AGMO: variants seen among roughly 807,000 people sequenced by gnomAD.
AGMO encodes the protein glyceryl-ether monooxygenase.
In AGMO, 75 loss-of-function variants were observed where a neutral mutation model predicts 60.2. That is an observed-to-expected ratio of 1.25 (90% CI 1.03 to 1.51). The LOEUF (loss-of-function observed/expected upper bound fraction) is 1.51. AGMO is among the 40% of genes most tolerant of loss of function. The pLI, the probability that AGMO is intolerant of heterozygous loss-of-function variation, is 0.00. For synonymous variants in AGMO, 261 were observed against 177.1 expected, an observed-to-expected ratio of 1.47 and a Z score of -3.76; for missense variants, 763 against 525.5, an observed-to-expected ratio of 1.45 and a Z score of -4.42.
the AGMO span, among the ~76,000 whole-genome samples, chr7:15,159,820 C>G: frequency 7.2e-5 from 11 of 152,140 alleles, no homozygotes; most frequent in Non-Finnish European, 1.3e-4. Context: ...TCCAATCGGT[C>G]CATTCATTTG....
intron 12 of AGMO, among the ~76,000 whole-genome samples, chr7:15,342,198 G>GAAAAAAAAAAAAAAAAA (rs1781877548): frequency 1.5e-5 from 1 of 64,956 alleles, no homozygotes; most frequent in Non-Finnish European, 3.0e-5. Context: ...AAAAAAAAAG[G>GAAAAAAAAAAAAAAAAA]ACTAAGTCCT....
At chr7:15,360,376 A>G (rs551972913) in intron 12 of AGMO, among the ~76,000 whole-genome samples, 33 of 152,332 alleles carry the variant, frequency 2.2e-4, no homozygotes, top group Admixed American at 2.0e-4. Flanking sequence ...TCCCCGGAAA[A>G]TGTAGCTATT....
intron 12 of AGMO, among the ~76,000 whole-genome samples, chr7:15,211,750 C>A (rs1319167868): frequency 6.6e-6 from 1 of 151,874 alleles, no homozygotes; most frequent in Non-Finnish European, 1.5e-5. Flanking sequence ...AAACTATGTC[C>A]AAAATAATTA....
At chr7:15,404,815 A>G (rs992990734) in intron 5 of AGMO, among the ~76,000 whole-genome samples, 2 of 151,890 alleles carry the variant, frequency 1.3e-5, no homozygotes, top group African/African-American at 2.4e-5. Flanking sequence ...TTGATTGCCA[A>G]CCGACTATGT....
chr7:15,198,196 CGA>C (rs748392069), downstream of AGMO, among the ~76,000 whole-genome samples: 2,430 of 77,242 alleles, frequency 0.031, 37 homozygotes, highest in Non-Finnish European at 0.044. Flanking sequence ...AGGGCTTTCC[CGA>C]GAGAGAGAGA....
At chr7:15,552,094 T>G (rs1417175902) in intron 2 of AGMO, among the ~76,000 whole-genome samples, 11 of 152,178 alleles carry the variant, frequency 7.2e-5, no homozygotes, top group Admixed American at 1.3e-4. Context: ...TAATAAATGG[T>G]GCTGGGAAAA....
intron 12 of AGMO, among the ~76,000 whole-genome samples, chr7:15,349,912 G>C (rs73298342): frequency 0.018 from 2,692 of 152,158 alleles, 72 homozygotes; most frequent in African/African-American, 0.06. Flanking sequence ...CCTATGACAT[G>C]GGGGGATTAT....
chr7:15,298,093 C>G (rs1784454730), intron 12 of AGMO, among the ~76,000 whole-genome samples: 1 of 150,596 alleles, frequency 6.6e-6, no homozygotes, highest in African/African-American at 2.4e-5. Flanking sequence ...TATAAACAAA[C>G]ATATTATGTT....
At chr7:15,410,441 T>C (rs1297827663) in intron 5 of AGMO, among the ~76,000 whole-genome samples, 1 of 151,890 alleles carries the variant, frequency 6.6e-6, no homozygotes, top group African/African-American at 2.4e-5. Flanking sequence ...CTCAAATTTT[T>C]ATAGTTAAGA....
At chr7:15,479,726 GT>G in intron 3 of AGMO, among the ~76,000 whole-genome samples, 1 of 152,242 alleles carries the variant, frequency 6.6e-6, no homozygotes, top group South Asian at 2.1e-4. Context: ...TTGTGCCAGG[GT>G]TGTGCTAAAT....
At chr7:15,326,785 G>C (rs1001409648) in intron 12 of AGMO, among the ~76,000 whole-genome samples, 6 of 151,970 alleles carry the variant, frequency 3.9e-5, no homozygotes, top group Non-Finnish European at 8.8e-5. Context: ...TTAGGCCTCT[G>C]GGAAGTCTAT....
At chr7:15,322,661 A>T (rs1364727927) in intron 12 of AGMO, among the ~76,000 whole-genome samples, 9 of 63,966 alleles carry the variant, frequency 1.4e-4, no homozygotes, top group East Asian at 3.8e-4. Flanking sequence ...TATATATATA[A>T]ATATATATAA....
intron 12 of AGMO, among the ~76,000 whole-genome samples, chr7:15,332,774 G>A (rs534961356): frequency 1.1e-3 from 160 of 151,866 alleles, no homozygotes; most frequent in African/African-American, 3.6e-3. Context: ...TTATCAAAAT[G>A]GCTTATATTT....
At chr7:15,296,883 G>A (rs565617721) in intron 12 of AGMO, among the ~76,000 whole-genome samples, 5 of 152,256 alleles carry the variant, frequency 3.3e-5, no homozygotes, top group South Asian at 4.1e-4. Flanking sequence ...GTGTTTTGTG[G>A]TTCTTTCTTC....
At chr7:15,405,112 T>G (rs1784653135) in intron 5 of AGMO, among the ~76,000 whole-genome samples, 1 of 151,836 alleles carries the variant, frequency 6.6e-6, no homozygotes, top group Non-Finnish European at 1.5e-5. Flanking sequence ...AGCATATCCT[T>G]TCCCTTGTCC....
chr7:15,457,573 G>C (rs2128507608), intron 3 of AGMO, among the ~76,000 whole-genome samples: 1 of 152,258 alleles, frequency 6.6e-6, no homozygotes. Context: ...TTACAGGACT[G>C]CTTACAGCAA....
chr7:15,387,930 CAG>C (rs1308483159), intron 8 of AGMO, among the ~76,000 whole-genome samples: 5 of 137,774 alleles, frequency 3.6e-5, no homozygotes, highest in Non-Finnish European at 7.6e-5. Context: ...TTCCCCAAGA[CAG>C]AGTCTCGCTC....
intron 10 of AGMO, among the ~76,000 whole-genome samples, chr7:15,376,847 A>C (rs955780997): frequency 6.6e-6 from 1 of 152,066 alleles, no homozygotes; most frequent in African/African-American, 2.4e-5. Flanking sequence ...CATATCACTA[A>C]ACTAAACACT....
At chr7:15,232,805 A>G (rs867106473) in intron 12 of AGMO, among the ~76,000 whole-genome samples, 26 of 146,572 alleles carry the variant, frequency 1.8e-4, no homozygotes, top group African/African-American at 4.6e-4. Context: ...ACACACGCAC[A>G]CACACACACA....
Sources: gnomAD v4.1 joint callset for allele counts (sites outside exome capture counted in the v4.1 genomes callset) on GRCh38, gnomAD v4.1.1 for gene constraint, MANE v1.5 for transcripts, NCBI Gene and HGNC (gene_info 2026-07-23, HGNC 2026-07-21) for gene names.